The following OLA1 variants were observed in gnomAD, a reference collection of about 807,000 sequenced individuals.
OLA1 encodes the protein obg-like ATPase 1.
OLA1 carries 14 observed loss-of-function variants against 48.4 expected under a neutral mutation model. The observed-to-expected ratio is 0.29, with a 90% CI of 0.19 to 0.45. The LOEUF (loss-of-function observed/expected upper bound fraction) is 0.45, where lower values mean the gene tolerates loss of function less well. OLA1 is among the 20% of genes least tolerant of loss of function. The pLI is 1.00. For synonymous variants in OLA1, 127 were observed against 150.4 expected (o/e 0.84, Z 1.14); for missense variants, 325 against 467.1 (o/e 0.70, Z 2.80).
chr2:174,138,149 C>A (rs941077029), intron 5 of OLA1, among the ~76,000 whole-genome samples: 4 of 152,236 alleles, frequency 2.6e-5, no homozygotes, highest in African/African-American at 9.6e-5. Flanking sequence ...TGCAAAAGAC[C>A]TGGCTTTCAG....
At chr2:174,124,042 A>G (rs1365940826) in intron 5 of OLA1, among the ~76,000 whole-genome samples, 1 of 152,238 alleles carries the variant, frequency 6.6e-6, no homozygotes, top group Non-Finnish European at 1.5e-5. Flanking sequence ...TATACTGAAG[A>G]AAGACTAAAT....
At chr2:174,231,251 T>C in intron 2 of OLA1, among the ~76,000 whole-genome samples, 1 of 152,208 alleles carries the variant, frequency 6.6e-6, no homozygotes. Flanking sequence ...TTATCTAAAA[T>C]GTAATGAAAA....
At chr2:174,144,951 A>AAAAAAAAAAATATATAT (rs1181030817) in intron 4 of OLA1, among the ~76,000 whole-genome samples, 8 of 40,294 alleles carry the variant, frequency 2.0e-4, no homozygotes, top group Non-Finnish European at 3.2e-4. Flanking sequence ...AAAAAAAAAA[A>AAAAAAAAAAATATATAT]ATATATATAT....
intron 7 of OLA1, among the ~76,000 whole-genome samples, chr2:174,110,062 T>G (rs1185874324): frequency 6.6e-6 from 1 of 151,950 alleles, no homozygotes; most frequent in Non-Finnish European, 1.5e-5. Flanking sequence ...TGGTATTCAG[T>G]TTTCTATCCC....
Position 174,110,514 on chromosome 2 carries a change from A to G in OLA1, c.728+12666T>C, listed in dbSNP as rs559232504. ...GGCTGGAGTACACTGGCACAATCAA[A>G]GCTTACTGCAGCCTCGAATTCCTGG... On this transcript the variant is annotated intron_variant, in intron 7 of 10. Coordinates refer to ENST00000284719, the MANE Select transcript of OLA1 (RefSeq NM_013341.5). 4.0e-5 allele frequency among the ~76,000 whole-genome samples: 6 copies of G among 151,886 alleles called. No homozygotes were observed. In the East Asian group the frequency reaches 9.7e-4, roughly 25 times the overall value.
At position 174,184,682 on chromosome 2, in the gene OLA1, A is replaced by G. The variant is rs535466922; in HGVS notation, c.373+38351T>C. Among the ~76,000 whole-genome samples, 4 of 152,328 alleles carry G rather than the reference A, an allele frequency of 2.6e-5. No homozygotes were observed. In the South Asian group the frequency reaches 8.3e-4, roughly 32 times the overall value. On this transcript the variant is annotated intron_variant, in intron 4 of 10. Coordinates refer to ENST00000284719, the MANE Select transcript of OLA1 (RefSeq NM_013341.5). ...GACAAATGTACCATAGTAAAATGAT[A>G]ACATAAGAGGGAATTGAAACTGAGT...
intron 4 of OLA1, among the ~76,000 whole-genome samples, chr2:174,180,577 A>G (rs1388437783): frequency 6.6e-6 from 1 of 152,226 alleles, no homozygotes; most frequent in African/African-American, 2.4e-5. Flanking sequence ...TATAATGGCT[A>G]AAACCTTTTT....
At chr2:174,084,319 C>T (rs1352374220) in intron 7 of OLA1, among the ~76,000 whole-genome samples, 7 of 152,140 alleles carry the variant, frequency 4.6e-5, no homozygotes, top group Admixed American at 1.3e-4. Flanking sequence ...GAAAAAGGTA[C>T]CGTAGCACTC....
At chr2:174,199,010 A>T (rs1687935812) in intron 4 of OLA1, among the ~76,000 whole-genome samples, 1 of 152,182 alleles carries the variant, frequency 6.6e-6, no homozygotes, top group Admixed American at 6.5e-5. Flanking sequence ...GCAGTCCTTG[A>T]TGAATCAGTA....
At chr2:174,084,643 G>T (rs1684927666) in intron 7 of OLA1, among the ~76,000 whole-genome samples, 1 of 152,122 alleles carries the variant, frequency 6.6e-6, no homozygotes, top group Non-Finnish European at 1.5e-5. Flanking sequence ...TGAACCCCAT[G>T]GGGACCAGTT....
At chr2:174,189,189 C>G (rs997977030) in intron 4 of OLA1, among the ~76,000 whole-genome samples, 1 of 151,900 alleles carries the variant, frequency 6.6e-6, no homozygotes, top group African/African-American at 2.4e-5. Flanking sequence ...TGCATATAAA[C>G]TGTAAGTGGA....
intron 4 of OLA1, among the ~76,000 whole-genome samples, chr2:174,167,563 C>T (rs1687195311): frequency 6.6e-6 from 1 of 152,044 alleles, no homozygotes; most frequent in Admixed American, 6.6e-5. Flanking sequence ...GCAACAAGAG[C>T]AAAACTTCAT....
rs907667735 is a variant in OLA1, at chr2:174,077,385, T to C, written c.1089+1583A>G. ...ACATACACACACATATACACAATTT[T>C]GCTCTCAAATCTAAAACCTACTTGA... On this transcript the variant is annotated intron_variant, in intron 10 of 10. Coordinates refer to ENST00000284719, the MANE Select transcript of OLA1 (RefSeq NM_013341.5). Among the ~76,000 whole-genome samples, 9 of 152,090 alleles carry C rather than the reference T, an allele frequency of 5.9e-5. No homozygotes were observed. In the East Asian group the frequency reaches 1.7e-3, roughly 29 times the overall value.
In OLA1 at chr2:174,203,490, G is replaced by A. The variant is rs992676009; in HGVS notation, c.373+19543C>T. ...CTTTTTTTTTTTTTTTTTAAGAGAT[G>A]GGGTCTTGCTTTATTACCCAGGCTG... is the stretch of plus-strand genomic sequence containing the variant. On this transcript the variant is annotated intron_variant, in intron 4 of 10. Coordinates refer to ENST00000284719, the MANE Select transcript of OLA1 (RefSeq NM_013341.5). Among the ~76,000 whole-genome samples the A allele has an allele frequency of 1.1e-4, 16 of 141,206 alleles. No homozygotes were observed. In the East Asian group the frequency reaches 1.2e-3, roughly 11 times the overall value. 92.6% of individuals were successfully genotyped at this position (141,206 alleles called of 152,430 possible).
At position 174,075,590 on chromosome 2, in the gene OLA1, G is replaced by T. The variant is rs1012037579; in HGVS notation, c.1090-63C>A. 23 of 959,790 alleles carry T rather than the reference G, an allele frequency of 2.4e-5. No homozygotes were observed. The Admixed American group carries it at 3.9e-4, about 16-fold the overall frequency. The allele number at this position is 959,790 out of a possible 1,614,324, so 59.5% of individuals were successfully genotyped here. On this transcript the variant is annotated intron_variant, in intron 10 of 10. Coordinates refer to ENST00000284719, the MANE Select transcript of OLA1 (RefSeq NM_013341.5). Reference sequence around the variant, plus strand: ...TTACAACTAAATACATGGGGTAAATGGTGGCAGCAGATATAAAAAGTATTA... The same window carrying T: ...TTACAACTAAATACATGGGGTAAATTGTGGCAGCAGATATAAAAAGTATTA...
chr2:174,140,361 TTTTC>T (rs1446292842), intron 5 of OLA1, among the ~76,000 whole-genome samples: 2 of 151,062 alleles, frequency 1.3e-5, no homozygotes, highest in East Asian at 1.9e-4. Flanking sequence ...TTTCTTTTCT[TTTTC>T]TTTCTTTTTT....
chr2:174,095,353 G>GTTT (rs1685230296), intron 7 of OLA1, among the ~76,000 whole-genome samples: 1 of 93,814 alleles, frequency 1.1e-5, no homozygotes, highest in Non-Finnish European at 2.1e-5. Context: ...TTTTTTTGTT[G>GTTT]TTGTTGTTGT....
Position 174,087,353 on chromosome 2 carries a change from C to A in OLA1, c.729-5289G>T, listed in dbSNP as rs542414191. 6.6e-5 allele frequency among the ~76,000 whole-genome samples: 10 copies of A among 152,128 alleles called. No individual in the cohort carries two copies. In the East Asian group the frequency reaches 1.9e-3, roughly 29 times the overall value. On this transcript the variant is annotated intron_variant, in intron 7 of 10. Coordinates refer to ENST00000284719, the MANE Select transcript of OLA1 (RefSeq NM_013341.5). The stretch of plus-strand genomic sequence containing the variant: ...TATTGTATATTCTAAAACTACCACA[C>A]CATCATCAATACCAATTTTTTCTGA...
intron 4 of OLA1, among the ~76,000 whole-genome samples, chr2:174,177,985 C>A (rs1687454978): frequency 6.6e-6 from 1 of 151,964 alleles, no homozygotes. Flanking sequence ...AAGTTGTTGA[C>A]TTTTCCCCAA....
Sources: allele counts gnomAD v4.1 joint callset (sites outside exome capture counted in the v4.1 genomes callset), GRCh38; gene constraint gnomAD v4.1.1; transcripts MANE v1.5; gene names NCBI Gene and HGNC (gene_info 2026-07-23, HGNC 2026-07-21).